The following MGST1 variants were observed in gnomAD, a reference collection of about 807,000 sequenced individuals.
MGST1 encodes microsomal glutathione S-transferase 1.
In MGST1, 5 loss-of-function variants were observed where a neutral mutation model predicts 8.9. That is an observed-to-expected ratio of 0.56 (90% CI 0.29 to 1.19). The LOEUF (loss-of-function observed/expected upper bound fraction) is 1.19. MGST1 is among the 50% of genes most tolerant of loss of function. MGST1 has a pLI of 0.08. For missense variants in MGST1, 182 were observed against 187.4 expected (o/e 0.97, Z 0.17); for synonymous variants, 54 against 67.8 (o/e 0.80, Z 1.00).
rs370605072 is a variant in MGST1 at position 16,513,399 on chromosome 12, C to T, written n.483-76129C>T. 2.1e-5 allele frequency: 8 copies of T among 383,698 alleles called. No homozygotes were observed. The highest frequency in any genetic ancestry group is 1.7e-4 in the African/African-American group (8 of 47,286). The allele number at this position is 383,698 out of a possible 1,614,324, so 23.8% of individuals were successfully genotyped here. A position where few individuals can be genotyped will look rare whatever the true frequency, so the allele number is the denominator to read the frequency against. ...GCCCTCCTACCGTCCACCATGGCTC[C>T]TCTGCGCTCCAGCTGCGTCGTCTCC... On this transcript the variant is annotated intron_variant and non_coding_transcript_variant, in intron 4 of 4. Coordinates refer to the MGST1 transcript ENST00000538857. This position sits in a 1 kb window ranked among gnomAD's most constrained non-coding sequence, Gnocchi z 4.2.
chr12:16,412,544 T>A (rs536057625), intron 1 of MGST1, among the ~76,000 whole-genome samples: 5 of 152,312 alleles, frequency 3.3e-5, no homozygotes, highest in Non-Finnish European at 7.3e-5. Flanking sequence ...GCTGTGTTAC[T>A]CCCAAATCTC....
At chr12:16,432,662 C>T (rs1050328729) in intron 1 of MGST1, among the ~76,000 whole-genome samples, 1 of 146,400 alleles carries the variant, frequency 6.8e-6, no homozygotes, top group Non-Finnish European at 1.5e-5. Context: ...ACTCGCAAAT[C>T]TCTCCTCTCT....
chr12:16,387,532 T>TTC (rs1940514154), intron 1 of MGST1, among the ~76,000 whole-genome samples: 1 of 148,724 alleles, frequency 6.7e-6, no homozygotes, highest in African/African-American at 2.5e-5. Context: ...GGTATACCAT[T>TTC]TTTTTTTTTT....
intron 1 of MGST1, among the ~76,000 whole-genome samples, chr12:16,385,872 C>T (rs1364492379): frequency 1.3e-5 from 2 of 152,028 alleles, no homozygotes; most frequent in Non-Finnish European, 2.9e-5. Flanking sequence ...TCTTTTCTAC[C>T]TCTTAAGAGT....
intron 4 of MGST1, among the ~76,000 whole-genome samples, chr12:16,465,058 A>C (rs1292713248): frequency 6.6e-6 from 1 of 152,178 alleles, no homozygotes; most frequent in Non-Finnish European, 1.5e-5. Context: ...AGTGTGCATG[A>C]CCAGCCAGGT....
intron 4 of MGST1, among the ~76,000 whole-genome samples, chr12:16,578,930 TTGAAA>T (rs1943076664): frequency 6.6e-6 from 1 of 152,162 alleles, no homozygotes; most frequent in African/African-American, 2.4e-5. Flanking sequence ...AAAGTCTCAC[TTGAAA>T]TAAAAAGAAA....
chr12:16,479,327 C>T (rs1225355609), intron 4 of MGST1, among the ~76,000 whole-genome samples: 6 of 149,712 alleles, frequency 4.0e-5, no homozygotes, highest in African/African-American at 7.4e-5. Flanking sequence ...CTCCGCCTCC[C>T]GGGTTCACGC....
In MGST1 at chr12:16,555,811, A is replaced by C. The variant is rs1421262317; in HGVS notation, n.483-33717A>C. ...AATTTGCCTGAAAATTCCTTTCCTC[A>C]CTGCTCCCTGGCTCCCTCATCTTCC... On this transcript the variant is annotated intron_variant and non_coding_transcript_variant, in intron 4 of 4. Coordinates refer to the MGST1 transcript ENST00000538857. The surrounding 1 kb of genome is among the most constrained non-coding windows in gnomAD (Gnocchi z 5.5). Among the ~76,000 whole-genome samples, 1 of 151,912 alleles carries C rather than the reference A, an allele frequency of 6.6e-6. No homozygotes were observed. Among genetic ancestry groups the C allele is most frequent in the Admixed American group, 6.6e-5 (1 of 15,254 alleles).
chr12:16,404,287 A>AT (rs954429850), intron 1 of MGST1, among the ~76,000 whole-genome samples: 10 of 152,122 alleles, frequency 6.6e-5, no homozygotes, highest in Admixed American at 2.6e-4. Flanking sequence ...TACTTGATAT[A>AT]TTTTTTCCAT....
At chr12:16,428,751 G>A (rs1940914588) in intron 1 of MGST1, among the ~76,000 whole-genome samples, 1 of 151,858 alleles carries the variant, frequency 6.6e-6, no homozygotes, top group Admixed American at 6.5e-5. Flanking sequence ...TGGTTAAAAA[G>A]CCTTACATTT....
intron 1 of MGST1, among the ~76,000 whole-genome samples, chr12:16,426,982 A>G (rs1181573241): frequency 6.6e-6 from 1 of 151,852 alleles, no homozygotes; most frequent in Non-Finnish European, 1.5e-5. Flanking sequence ...AAAAAAAAAA[A>G]AAAAAGCTGA....
intron 4 of MGST1, among the ~76,000 whole-genome samples, chr12:16,501,683 C>A (rs1397926695): frequency 1.3e-5 from 2 of 152,152 alleles, no homozygotes; most frequent in Non-Finnish European, 2.9e-5. Context: ...TTTCTTTCTT[C>A]ATTACCCAGT....
chr12:16,521,563 C>G (rs941538391), intron 4 of MGST1, among the ~76,000 whole-genome samples: 2 of 152,020 alleles, frequency 1.3e-5, no homozygotes, highest in Non-Finnish European at 2.9e-5. Context: ...CAGAGTTCAG[C>G]ATTTAAATGT....
In MGST1 at chr12:16,374,526, A is replaced by C. The variant is rs1251643833; in HGVS notation, c.222-1596A>C. ...AAACAATAGCCATTATGTTTAGGAT[A>C]CTGATTAGCATTTTAAACTATATTT... On this transcript the variant is annotated intron_variant, in intron 3 of 3. Transcript: ENST00000535309. Among the ~76,000 whole-genome samples the C allele has an allele frequency of 3.3e-5, 5 of 152,272 alleles. No individual in the cohort carries two copies. In the East Asian group the frequency reaches 9.7e-4, roughly 29 times the overall value.
At chr12:16,384,611 T>G (rs1312804207) in intron 1 of MGST1, among the ~76,000 whole-genome samples, 1 of 152,208 alleles carries the variant, frequency 6.6e-6, no homozygotes, top group Non-Finnish European at 1.5e-5. Context: ...GATAATAAAT[T>G]TATGTTTTAA....
chr12:16,394,513 CCTTT>C (rs766001588), intron 1 of MGST1, among the ~76,000 whole-genome samples: 4,785 of 84,046 alleles, frequency 0.057, 143 homozygotes, highest in African/African-American at 0.11. Flanking sequence ...TCTTTCTCTC[CCTTT>C]CTTTCTTTCT....
chr12:16,371,230 C>T (rs1315740127), intron 3 of MGST1, among the ~76,000 whole-genome samples: 3 of 152,000 alleles, frequency 2.0e-5, no homozygotes, highest in Non-Finnish European at 4.4e-5. Flanking sequence ...AGAATCTTGA[C>T]TCTATAAATT....
At chr12:16,592,901 A>G (rs553364925), downstream of MGST1, among the ~76,000 whole-genome samples, 1 of 152,056 alleles carries the variant, frequency 6.6e-6, no homozygotes, top group East Asian at 1.9e-4. Flanking sequence ...CTCTGTTAGA[A>G]CTGCTAAAAT....
intron 4 of MGST1, among the ~76,000 whole-genome samples, chr12:16,525,369 C>T (rs1359653645): frequency 6.0e-5 from 9 of 149,430 alleles, no homozygotes; most frequent in Non-Finnish European, 4.4e-5. Context: ...GTTCAATTCC[C>T]ACCTATGAGT....
Sources: gnomAD v4.1 joint callset for allele counts (sites outside exome capture counted in the v4.1 genomes callset) on GRCh38, gnomAD v4.1.1 for gene constraint, Gnocchi (gnomAD v3.1) non-coding constraint, MANE v1.5 for transcripts, NCBI Gene and HGNC (gene_info 2026-07-23, HGNC 2026-07-21) for gene names.